The following PLPPR1 variants were observed in gnomAD, a reference collection of about 807,000 sequenced individuals.
PLPPR1 encodes phospholipid phosphatase-related protein type 1.
PLPPR1 carries 10 observed loss-of-function variants against 33.1 expected under a neutral mutation model. The ratio of observed to expected loss-of-function variants is 0.30; its 90% CI spans 0.19 to 0.51. The LOEUF (loss-of-function observed/expected upper bound fraction) is 0.51. Among genes scored for constraint, PLPPR1 ranks in the 20% least tolerant of loss-of-function variants. PLPPR1 has a pLI of 0.97. For missense variants in PLPPR1, 304 were observed against 408.1 expected (o/e 0.74, Z 2.20); for synonymous variants, 151 against 151.0 (o/e 1.00, Z 0.00).
At chr9:101,137,066 C>T (rs902991112) in intron 1 of PLPPR1, among the ~76,000 whole-genome samples, 15 of 152,042 alleles carry the variant, frequency 9.9e-5, no homozygotes, top group African/African-American at 2.7e-4. Flanking sequence ...GGTTATTACA[C>T]GTTGTATGCT....
chr9:101,117,206 A>C (rs1831127701), intron 1 of PLPPR1, among the ~76,000 whole-genome samples: 1 of 152,160 alleles, frequency 6.6e-6, no homozygotes, highest in Non-Finnish European at 1.5e-5. Flanking sequence ...AGGAGGTTAG[A>C]GCATTCTTAG....
At chr9:101,193,754 GGT>G (rs1303149446) in intron 2 of PLPPR1, among the ~76,000 whole-genome samples, 1 of 152,104 alleles carries the variant, frequency 6.6e-6, no homozygotes. Flanking sequence ...CAAATGAAAA[GGT>G]ATAGAGGAGC....
At chr9:101,258,899 T>G (rs1166528031) in intron 2 of PLPPR1, among the ~76,000 whole-genome samples, 1 of 152,208 alleles carries the variant, frequency 6.6e-6, no homozygotes, top group East Asian at 1.9e-4. Flanking sequence ...TTCTCTGATA[T>G]TAGCTATGCC....
chr9:101,183,685 G>A (rs566912307), intron 1 of PLPPR1, among the ~76,000 whole-genome samples: 15 of 106,566 alleles, frequency 1.4e-4, no homozygotes, highest in African/African-American at 5.1e-4. Context: ...AGTTACTCCC[G>A]TCTCTTTGTG....
intron 2 of PLPPR1, among the ~76,000 whole-genome samples, chr9:101,207,057 A>G (rs17831028): frequency 0.15 from 22,448 of 152,066 alleles, 2,023 homozygotes; most frequent in Admixed American, 0.24. Context: ...GCATTATCCT[A>G]TTTTCCAGAT....
chr9:101,181,903 C>CAT (rs1194726972), intron 1 of PLPPR1, among the ~76,000 whole-genome samples: 2 of 148,630 alleles, frequency 1.3e-5, no homozygotes, highest in South Asian at 2.1e-4. Context: ...CTTATATACA[C>CAT]ATATATATAG....
intron 2 of PLPPR1, among the ~76,000 whole-genome samples, chr9:101,259,524 G>C (rs74894166): frequency 0.021 from 3,250 of 152,258 alleles, 103 homozygotes; most frequent in African/African-American, 0.074. Flanking sequence ...CAGATTCACT[G>C]TCTAGTGAGG....
chr9:101,140,055 G>C (rs1044433372), intron 1 of PLPPR1, among the ~76,000 whole-genome samples: 2 of 152,160 alleles, frequency 1.3e-5, no homozygotes, highest in African/African-American at 2.4e-5. Context: ...GACAAAGCTT[G>C]TGAATCTATA....
chr9:101,128,652 T>C (rs1831276679), intron 1 of PLPPR1, among the ~76,000 whole-genome samples: 1 of 152,198 alleles, frequency 6.6e-6, no homozygotes, highest in Admixed American at 6.5e-5. Context: ...TCCAAATACA[T>C]AGGTAGGTAT....
intron 1 of PLPPR1, among the ~76,000 whole-genome samples, chr9:101,074,315 T>A (rs143980307): frequency 6.6e-6 from 1 of 152,306 alleles, no homozygotes; most frequent in East Asian, 1.9e-4. Context: ...ATCTAATAGA[T>A]AAGCATGGAA....
At chr9:101,109,134 ATTTTTT>A (rs67666339) in intron 1 of PLPPR1, among the ~76,000 whole-genome samples, 4 of 99,772 alleles carry the variant, frequency 4.0e-5, no homozygotes, top group African/African-American at 7.8e-5. Flanking sequence ...AATTTTTTGT[ATTTTTT>A]TTTTTTTTTT....
Position 101,324,954 on chromosome 9 carries a change from A to T in PLPPR1, c.*897A>T, listed in dbSNP as rs1281018182. The stretch of plus-strand genomic sequence containing the variant: ...CTTTGTGGCTTTTAATTATTCTAGA[A>T]TTTTAACTGCATCTCATTTTTCTAG... On this transcript the variant is annotated 3_prime_UTR_variant, in exon 8 of 8. Coordinates refer to ENST00000374874, the MANE Select transcript of PLPPR1 (RefSeq NM_207299.2). 12 of 152,618 alleles carry T rather than the reference A, an allele frequency of 7.9e-5. No homozygotes were observed. Among genetic ancestry groups the T allele is most frequent in the Admixed American group, 7.9e-4 (12 of 15,286 alleles). The allele number at this position is 152,618 out of a possible 1,614,324, so 9.5% of individuals were successfully genotyped here. A position where few individuals can be genotyped will look rare whatever the true frequency, so the allele number is the denominator to read the frequency against.
intron 3 of PLPPR1, among the ~76,000 whole-genome samples, chr9:101,271,394 C>T (rs1288134807): frequency 1.3e-5 from 2 of 152,192 alleles, no homozygotes; most frequent in African/African-American, 4.8e-5. Flanking sequence ...TGGAACTGCT[C>T]TTTGCCCTCT....
At chr9:101,288,419 G>C (rs1264600936) in intron 4 of PLPPR1, among the ~76,000 whole-genome samples, 1 of 152,176 alleles carries the variant, frequency 6.6e-6, no homozygotes, top group South Asian at 2.1e-4. Context: ...TTCAAATAAG[G>C]TGAGTTAGAG....
chr9:101,276,287 C>T (rs1481342365), intron 3 of PLPPR1, among the ~76,000 whole-genome samples: 1 of 152,010 alleles, frequency 6.6e-6, no homozygotes, highest in Non-Finnish European at 1.5e-5. Context: ...TTATAATTTA[C>T]ATTTTTCTGG....
At chr9:101,053,880 G>A (rs1187567379) in intron 1 of PLPPR1, among the ~76,000 whole-genome samples, 1 of 152,076 alleles carries the variant, frequency 6.6e-6, no homozygotes, top group African/African-American at 2.4e-5. Context: ...CTAGAAAAAG[G>A]TATATAAAAC....
chr9:101,307,254 G>A (rs12337610), intron 4 of PLPPR1, among the ~76,000 whole-genome samples: 17,878 of 152,194 alleles, frequency 0.12, 1,220 homozygotes, highest in South Asian at 0.18. Flanking sequence ...CTGACCCAAG[G>A]AACCTAGAAA....
At chr9:101,270,179 G>A in intron 3 of PLPPR1, 111 bp downstream of exon 3, 1 of 1,141,828 alleles carries the variant, frequency 8.8e-7, no homozygotes. Context: ...AGTTTTATCA[G>A]TGGCATCCTA....
intron 6 of PLPPR1, 23 bp from the exon 7 acceptor site, chr9:101,317,342 C>A (rs761948588): frequency 1.2e-6 from 2 of 1,608,448 alleles, no homozygotes; most frequent in East Asian, 4.5e-5. Context: ...TGACCCCATT[C>A]TTTTTTCCCC....
Sources: allele counts gnomAD v4.1 joint callset (sites outside exome capture counted in the v4.1 genomes callset), GRCh38; gene constraint gnomAD v4.1.1; transcripts MANE v1.5; gene names NCBI Gene and HGNC (gene_info 2026-07-23, HGNC 2026-07-21).